OPCML: variants seen among roughly 807,000 people sequenced by gnomAD.
OPCML encodes the protein opioid binding protein/cell adhesion molecule like, also known as opioid-binding protein/cell adhesion molecule.
OPCML carries 13 observed loss-of-function variants against 37.8 expected under a neutral mutation model. That is an observed-to-expected ratio of 0.34 (90% CI 0.22 to 0.55). The LOEUF (loss-of-function observed/expected upper bound fraction) is 0.55, where lower values mean the gene tolerates loss of function less well. OPCML is among the 20% of genes least tolerant of loss of function. The pLI is 0.91. For synonymous variants in OPCML, 176 were observed against 168.8 expected (o/e 1.04, Z -0.33); for missense variants, 341 against 435.6 (o/e 0.78, Z 1.93).
chr11:133,074,533 A>T (rs1163092894), intron 1 of OPCML, among the ~76,000 whole-genome samples: 1 of 152,146 alleles, frequency 6.6e-6, no homozygotes, highest in Non-Finnish European at 1.5e-5. Flanking sequence ...GAGCCTATGC[A>T]GACTTTCCAG....
intron 1 of OPCML, among the ~76,000 whole-genome samples, chr11:133,198,219 G>A (rs1021436203): frequency 2.0e-5 from 3 of 152,204 alleles, no homozygotes; most frequent in Non-Finnish European, 4.4e-5. Context: ...TATGATTGCT[G>A]GTCCTGTACA....
intron 3 of OPCML, among the ~76,000 whole-genome samples, chr11:132,623,256 A>G (rs1939533101): frequency 6.6e-6 from 1 of 152,066 alleles, no homozygotes; most frequent in Non-Finnish European, 1.5e-5. Flanking sequence ...TACCTATCAA[A>G]TATGAAACAG....
At chr11:132,617,258 A>T (rs1445374954) in intron 3 of OPCML, among the ~76,000 whole-genome samples, 5 of 152,230 alleles carry the variant, frequency 3.3e-5, no homozygotes, top group Non-Finnish European at 7.3e-5. Flanking sequence ...AATCCAAGGA[A>T]GTATTTATTT....
At chr11:133,354,322 T>C (rs1300980344) in intron 1 of OPCML, among the ~76,000 whole-genome samples, 60 of 38,160 alleles carry the variant, frequency 1.6e-3, no homozygotes, top group East Asian at 3.7e-3. Flanking sequence ...GTAGTGGTGG[T>C]GGTGGTGATG....
chr11:132,901,349 C>T (rs775948087), intron 2 of OPCML, among the ~76,000 whole-genome samples: 6 of 152,154 alleles, frequency 3.9e-5, no homozygotes, highest in Non-Finnish European at 7.4e-5. Flanking sequence ...CAATGAACAA[C>T]ACAGTGTCCT....
chr11:133,086,091 T>C (rs1385370332), intron 1 of OPCML, among the ~76,000 whole-genome samples: 3 of 152,230 alleles, frequency 2.0e-5, no homozygotes. Flanking sequence ...CTTTTAATCA[T>C]ATATTTCAAA....
chr11:132,593,106 TGGGCAAGAAAGTCA>T (rs1472091911), intron 3 of OPCML, among the ~76,000 whole-genome samples: 2 of 152,162 alleles, frequency 1.3e-5, no homozygotes, highest in Non-Finnish European at 2.9e-5. Flanking sequence ...ATCTGAAGTC[TGGGCAAGAAAGTCA>T]GGGCAGGTGT....
intron 4 of OPCML, among the ~76,000 whole-genome samples, chr11:132,440,635 G>C (rs1034663554): frequency 6.6e-6 from 1 of 152,178 alleles, no homozygotes; most frequent in Non-Finnish European, 1.5e-5. Context: ...CAGTAGGCTG[G>C]CTACACTGAG....
chr11:133,328,797 T>A lies in OPCML; in HGVS notation c.61+203467A>T, dbSNP rs569068021. ...CAAGACAGGGATGCCCTCTCTCACC[T>A]CTCCTATTCAACATAGTGTCGGAAG... On this transcript the variant is annotated intron_variant, in intron 1 of 7. Transcript: ENST00000524381. Among the ~76,000 whole-genome samples, 26 of 151,994 alleles carry A rather than the reference T, an allele frequency of 1.7e-4. No individual in the cohort carries two copies. The East Asian group carries it at 1.7e-3, about 10-fold the overall frequency.
Position 133,177,078 on chromosome 11 carries a change from G to A in OPCML, c.62-234068C>T. Among the ~76,000 whole-genome samples, 1 of 152,194 alleles carries A rather than the reference G, an allele frequency of 6.6e-6. No individual in the cohort carries two copies. Among genetic ancestry groups the A allele is most frequent in the Non-Finnish European group, 1.5e-5 (1 of 68,040 alleles). On this transcript the variant is annotated intron_variant, in intron 1 of 7. Transcript: ENST00000524381. The surrounding 1 kb of genome is among the most constrained non-coding windows in gnomAD (Gnocchi z 5.0). ...AGTTGCTCAGCACCTTCAGAGCAATGGTCCAAGGGCCAGGTGTCACCACAA... is the reference window on the plus strand; with the variant it reads ...AGTTGCTCAGCACCTTCAGAGCAATAGTCCAAGGGCCAGGTGTCACCACAA...
Position 133,127,422 on chromosome 11 carries a change from C to T in OPCML, c.62-184412G>A, listed in dbSNP as rs550159561. On this transcript the variant is annotated intron_variant, in intron 1 of 7. Coordinates refer to ENST00000524381, the MANE Select transcript of OPCML (RefSeq NM_001012393.5). ...GCTGAAGCAGGAGCATCGCTTGAGC[C>T]CAGTAGTTCAAGATCAGCCCGGCAA... Among the ~76,000 whole-genome samples, 15 of 152,076 alleles carry T rather than the reference C, an allele frequency of 9.9e-5. No individual in the cohort carries two copies. The South Asian group carries it at 3.1e-3, about 32-fold the overall frequency.
At chr11:133,006,003 C>T (rs1218360826) in intron 1 of OPCML, 2 of 985,290 alleles carry the variant, frequency 2.0e-6, no homozygotes, top group Non-Finnish European at 2.4e-6. Flanking sequence ...TTGCCCTTCT[C>T]TTTTCCTTCT....
intron 1 of OPCML, among the ~76,000 whole-genome samples, chr11:133,373,448 T>TATATATACACACAC (rs966091785): frequency 3.8e-5 from 5 of 132,168 alleles, no homozygotes; most frequent in African/African-American, 1.6e-4. Context: ...TATATATATA[T>TATATATACACACAC]ACACACACAC....
chr11:133,362,673 A>T lies in OPCML; in HGVS notation c.61+169591T>A, dbSNP rs531027363. Among the ~76,000 whole-genome samples, 13 of 152,200 alleles carry T rather than the reference A, an allele frequency of 8.5e-5. No individual in the cohort carries two copies. The South Asian group carries it at 2.7e-3, about 32-fold the overall frequency. Reference sequence around the variant, plus strand: ...GTGAGAAACATCTTGGGTGGAGATGATATTAGTCACACATGTTAACCCTGC... The same window carrying T: ...GTGAGAAACATCTTGGGTGGAGATGTTATTAGTCACACATGTTAACCCTGC... On this transcript the variant is annotated intron_variant, in intron 1 of 7. Coordinates refer to ENST00000524381, the MANE Select transcript of OPCML (RefSeq NM_001012393.5).
chr11:133,049,345 G>A (rs1465178328), intron 1 of OPCML, among the ~76,000 whole-genome samples: 5 of 152,190 alleles, frequency 3.3e-5, no homozygotes, highest in African/African-American at 1.2e-4. Flanking sequence ...TGTCTACTGA[G>A]CAAGCTGTCT....
At chr11:132,859,428 A>T (rs1942201279) in intron 2 of OPCML, 1 of 152,246 alleles carries the variant, frequency 6.6e-6, no homozygotes, top group African/African-American at 2.4e-5. Context: ...ATCAATTCTA[A>T]GTTAACTGAG....
intron 1 of OPCML, among the ~76,000 whole-genome samples, chr11:133,330,514 T>G (rs543338391): frequency 8.5e-5 from 13 of 152,170 alleles, no homozygotes; most frequent in African/African-American, 2.6e-4. Context: ...CCATAAAAAA[T>G]GATGAGTTCA....
Position 132,416,358 on chromosome 11 carries a change from A to C in OPCML, c.*3835T>G, listed in dbSNP as rs2095938553. ...TCCTACCATGGGCTGGCGACAGCCA[A>C]CCAGCACTTGAAAATTCAATGTACA... On this transcript the variant is annotated 3_prime_UTR_variant, in exon 8 of 8. Coordinates refer to ENST00000524381, the MANE Select transcript of OPCML (RefSeq NM_001012393.5). 6.6e-6 allele frequency: 1 copy of C among 152,206 alleles called. No individual in the cohort carries two copies. Among genetic ancestry groups the C allele is most frequent in the African/African-American group, 2.4e-5 (1 of 41,430 alleles). 9.4% of individuals were successfully genotyped at this position (152,206 alleles called of 1,614,324 possible).
Position 133,392,285 on chromosome 11 carries a change from G to C in OPCML, c.61+139979C>G, listed in dbSNP as rs144347525. Among the ~76,000 whole-genome samples, 18 of 152,288 alleles carry C rather than the reference G, an allele frequency of 1.2e-4. No individual in the cohort carries two copies. The East Asian group carries it at 3.1e-3, about 26-fold the overall frequency. On this transcript the variant is annotated intron_variant, in intron 1 of 7. Transcript: ENST00000524381. ...ATTTATATAAGATCACACAGTGAGA[G>C]AAGCATCCGAGCCACTAATGAACTT...
Sources: gnomAD v4.1 joint callset for allele counts (sites outside exome capture counted in the v4.1 genomes callset) on GRCh38, gnomAD v4.1.1 for gene constraint, Gnocchi (gnomAD v3.1) non-coding constraint, MANE v1.5 for transcripts, NCBI Gene and HGNC (gene_info 2026-07-23, HGNC 2026-07-21) for gene names.